ARID1B: variants seen among roughly 807,000 people sequenced by gnomAD.
ARID1B encodes the protein AT-rich interactive domain-containing protein 1B.
ARID1B carries 30 observed loss-of-function variants against 212.3 expected under a neutral mutation model. The observed-to-expected ratio is 0.14, with a 90% CI of 0.11 to 0.19. The LOEUF (loss-of-function observed/expected upper bound fraction) is 0.19. Among genes scored for constraint, ARID1B ranks in the 10% least tolerant of loss-of-function variants. The probability of loss-of-function intolerance (pLI) is 1.00; values close to 1 mark genes in which losing one functional copy is unlikely to be tolerated. For missense variants in ARID1B, 2,891 were observed against 3,204.0 expected, an observed-to-expected ratio of 0.90 and a Z score of 2.36; for synonymous variants, 1,402 against 1,301.7, an observed-to-expected ratio of 1.08 and a Z score of -1.66.
chr6:156,780,940 CTA>C (rs951165551), intron 1 of ARID1B, among the ~76,000 whole-genome samples: 32 of 152,278 alleles, frequency 2.1e-4, no homozygotes, highest in African/African-American at 7.7e-4. Flanking sequence ...ACAAATTCAA[CTA>C]TGGAAAAATT....
intron 2 of ARID1B, among the ~76,000 whole-genome samples, chr6:156,842,272 C>G (rs1464320854): frequency 1.3e-5 from 2 of 152,216 alleles, no homozygotes; most frequent in Admixed American, 6.5e-5. Context: ...TAGTTACTCT[C>G]TGTTGTCCCT....
At chr6:156,874,470 T>A (rs943199911) in intron 2 of ARID1B, among the ~76,000 whole-genome samples, 10 of 152,138 alleles carry the variant, frequency 6.6e-5, no homozygotes, top group Admixed American at 5.2e-4. Context: ...ACCTGTAGAG[T>A]GAAGTTGGTA....
chr6:157,174,241 T>A, intron 10 of ARID1B, 124 bp downstream of exon 10: 4 of 735,016 alleles, frequency 5.4e-6, no homozygotes, highest in Non-Finnish European at 7.0e-6. Flanking sequence ...TGCCTTCATT[T>A]TGTGCAACAT....
At chr6:156,962,725 C>T (rs754318724) in intron 4 of ARID1B, among the ~76,000 whole-genome samples, 4 of 152,168 alleles carry the variant, frequency 2.6e-5, no homozygotes, top group African/African-American at 9.7e-5. Context: ...TCAAGAGATC[C>T]GCCCGCCTTG....
chr6:157,144,129 G>A (rs1789559618), intron 7 of ARID1B, among the ~76,000 whole-genome samples: 1 of 152,216 alleles, frequency 6.6e-6, no homozygotes, highest in South Asian at 2.1e-4. Flanking sequence ...GATGGAGGTA[G>A]GGTACAGAGT....
At position 157,174,081 on chromosome 6, in the gene ARID1B, A is replaced by T. The variant is rs776294122; in HGVS notation, c.3309A>T (p.Lys1103Asn). 1.9e-6 allele frequency: 3 copies of T among 1,614,162 alleles called. No individual in the cohort carries two copies. The South Asian group carries it at 3.3e-5, about 18-fold the overall frequency. Residue 1103 changes from lysine to asparagine, a missense_variant, in exon 10 of 20, where the codon AAA (lysine) becomes AAT (asparagine). Coordinates refer to ENST00000636930, the MANE Select transcript of ARID1B (RefSeq NM_001374828.1). ...KLPLPLKADG[K>N]EEGTPQPESK... is the part of the protein sequence containing the mutation. The stretch of plus-strand genomic sequence containing the variant: ...CCCTGCCTCTCAAAGCAGACGGCAA[A>T]GAAGAAGGCACTCCACAGCCCGAGA...
intron 5 of ARID1B, among the ~76,000 whole-genome samples, chr6:157,098,252 G>C (rs1456489382): frequency 2.0e-5 from 3 of 152,196 alleles, no homozygotes; most frequent in African/African-American, 7.2e-5. Context: ...AGAGAATGGA[G>C]CTGGTGGCTG....
chr6:157,135,223 A>T (rs1485492339), intron 7 of ARID1B, among the ~76,000 whole-genome samples: 1 of 151,984 alleles, frequency 6.6e-6, no homozygotes, highest in Non-Finnish European at 1.5e-5. Context: ...ACTCTTTCTG[A>T]AGTTCTTTTT....
chr6:157,124,860 A>G (rs1185249379), intron 6 of ARID1B, among the ~76,000 whole-genome samples: 1 of 152,202 alleles, frequency 6.6e-6, no homozygotes, highest in Non-Finnish European at 1.5e-5. Flanking sequence ...TTTGAAGCTG[A>G]AATGGGCTAA....
chr6:156,970,829 T>C (rs999605826), intron 4 of ARID1B, among the ~76,000 whole-genome samples: 1 of 152,222 alleles, frequency 6.6e-6, no homozygotes, highest in African/African-American at 2.4e-5. Flanking sequence ...GCCCATCTTA[T>C]GCTGGACTCA....
In ARID1B at chr6:157,190,991, G is replaced by A. The variant is rs1310320659; in HGVS notation, c.4231+781G>A. ...GTGAGCATGGGCCCGGGGACAGGCT[G>A]AGGTCGTTGAGGCCGGCGGGGCCAA... On this transcript the variant is annotated intron_variant, in intron 15 of 19. Coordinates refer to ENST00000636930, the MANE Select transcript of ARID1B (RefSeq NM_001374828.1). The surrounding 1 kb of genome is among the most constrained non-coding windows in gnomAD (Gnocchi z 4.6). Among the ~76,000 whole-genome samples, 5 of 152,162 alleles carry A rather than the reference G, an allele frequency of 3.3e-5. No homozygotes were observed. Among genetic ancestry groups the A allele is most frequent in the African/African-American group, 7.2e-5 (3 of 41,426 alleles).
At chr6:157,019,911 G>A (rs1780121336) in intron 4 of ARID1B, among the ~76,000 whole-genome samples, 1 of 152,174 alleles carries the variant, frequency 6.6e-6, no homozygotes, top group Non-Finnish European at 1.5e-5. Context: ...GTATCTGGAC[G>A]ACTCCTGTCT....
chr6:157,129,790 A>T (rs975443419), intron 6 of ARID1B, among the ~76,000 whole-genome samples: 2 of 152,192 alleles, frequency 1.3e-5, no homozygotes, highest in African/African-American at 4.8e-5. Context: ...AAAAAGAAAT[A>T]CCTTGCCTAG....
intron 4 of ARID1B, among the ~76,000 whole-genome samples, chr6:157,077,108 G>A (rs1251146094): frequency 1.3e-5 from 2 of 152,056 alleles, no homozygotes; most frequent in Non-Finnish European, 2.9e-5. Context: ...TAAAATTATT[G>A]CAATCTAGAA....
At chr6:156,926,909 T>C (rs1791264816) in intron 3 of ARID1B, among the ~76,000 whole-genome samples, 1 of 152,188 alleles carries the variant, frequency 6.6e-6, no homozygotes, top group South Asian at 2.1e-4. Context: ...CTCGAACTCC[T>C]GACGCCGTGA....
At chr6:156,931,662 T>TA (rs1246047295) in intron 3 of ARID1B, among the ~76,000 whole-genome samples, 1 of 151,654 alleles carries the variant, frequency 6.6e-6, no homozygotes, top group Non-Finnish European at 1.5e-5. Flanking sequence ...CTCAAAATAT[T>TA]AAAAAAATAA....
intron 3 of ARID1B, among the ~76,000 whole-genome samples, chr6:156,920,337 C>T (rs1790684133): frequency 6.6e-6 from 1 of 152,168 alleles, no homozygotes; most frequent in Non-Finnish European, 1.5e-5. Context: ...AATTCTCTTT[C>T]CTTGATATTT....
intron 3 of ARID1B, among the ~76,000 whole-genome samples, chr6:156,912,367 A>G: frequency 6.6e-6 from 1 of 150,466 alleles, no homozygotes; most frequent in East Asian, 2.0e-4. Flanking sequence ...ACGCTCCTGC[A>G]TGTACTCTTA....
At chr6:156,949,432 G>T (rs1793414856) in intron 4 of ARID1B, among the ~76,000 whole-genome samples, 2 of 152,156 alleles carry the variant, frequency 1.3e-5, no homozygotes, top group Admixed American at 1.3e-4. Context: ...ACATTCACAA[G>T]TGTCCACTGA....
Sources: gnomAD v4.1 joint callset for allele counts (sites outside exome capture counted in the v4.1 genomes callset) on GRCh38, gnomAD v4.1.1 for gene constraint, Gnocchi (gnomAD v3.1) non-coding constraint, MANE v1.5 for transcripts, NCBI Gene and HGNC (gene_info 2026-07-23, HGNC 2026-07-21) for gene names.